SHB: variants seen among roughly 807,000 people sequenced by gnomAD.
SHB encodes SH2 domain containing adaptor protein B, also known as SH2 domain-containing adapter protein B.
Under a neutral mutation model 52.3 loss-of-function variants are expected in SHB, and 20 were observed. That is an observed-to-expected ratio of 0.38 (90% CI 0.27 to 0.56). The LOEUF is 0.56. Among genes scored for constraint, SHB ranks in the 20% least tolerant of loss-of-function variants. The probability of loss-of-function intolerance (pLI) is 0.71; values close to 1 mark genes in which losing one functional copy is unlikely to be tolerated. For synonymous variants in SHB, 397 were observed against 316.5 expected (o/e 1.25, Z -2.70); for missense variants, 825 against 723.3 (o/e 1.14, Z -1.61).
chr9:37,972,095 G>T (rs1820597017), intron 3 of SHB, among the ~76,000 whole-genome samples: 1 of 152,212 alleles, frequency 6.6e-6, no homozygotes, highest in Non-Finnish European at 1.5e-5. Context: ...TCAAAGGCAA[G>T]GGCAGCCCCT....
At chr9:38,059,460 A>T (rs190772580) in intron 1 of SHB, among the ~76,000 whole-genome samples, 2 of 152,340 alleles carry the variant, frequency 1.3e-5, no homozygotes, top group African/African-American at 4.8e-5. Context: ...AAGGAACTGA[A>T]TGATTTAGAG....
At position 37,989,664 on chromosome 9, in the gene SHB, G is replaced by A. The variant is rs551281983; in HGVS notation, c.839-14827C>T. ...GCCTTGCCAAAGTCACAGAGTGAGC[G>A]GTCGGCACAGTTACTATGTCTCCAC... On this transcript the variant is annotated intron_variant, in intron 2 of 5. Coordinates refer to ENST00000377707, the MANE Select transcript of SHB (RefSeq NM_003028.3). Among the ~76,000 whole-genome samples, 25 of 152,304 alleles carry A rather than the reference G, an allele frequency of 1.6e-4. No individual in the cohort carries two copies. In the South Asian group the frequency reaches 4.8e-3, roughly 29 times the overall value.
intron 5 of SHB, among the ~76,000 whole-genome samples, chr9:37,947,019 C>T (rs1301565480): frequency 2.0e-5 from 3 of 152,208 alleles, no homozygotes; most frequent in Admixed American, 6.5e-5. Context: ...CGCCCCCCTG[C>T]TGCTGTCCTC....
intron 2 of SHB, among the ~76,000 whole-genome samples, chr9:38,008,259 A>G (rs1821095376): frequency 6.6e-6 from 1 of 152,194 alleles, no homozygotes; most frequent in African/African-American, 2.4e-5. Flanking sequence ...GAGAATAGGA[A>G]GTGGCTCCTA....
At chr9:37,974,911 A>C in intron 2 of SHB, 74 bp from the exon 3 acceptor site, 1 of 1,274,286 alleles carries the variant, frequency 7.8e-7, no homozygotes, top group Admixed American at 1.8e-5. Flanking sequence ...ACCCAGAAAC[A>C]CCACAAACTC....
At chr9:37,987,532 G>A (rs1475914875) in intron 2 of SHB, among the ~76,000 whole-genome samples, 1 of 152,248 alleles carries the variant, frequency 6.6e-6, no homozygotes, top group Non-Finnish European at 1.5e-5. Flanking sequence ...GCACTGAAGA[G>A]CCCAGTCCCA....
chr9:37,943,501 A>C (rs1832457450), intron 5 of SHB, among the ~76,000 whole-genome samples: 1 of 152,308 alleles, frequency 6.6e-6, no homozygotes, highest in Admixed American at 6.5e-5. Flanking sequence ...GTGTCTCCTT[A>C]GGTCACGTTT....
rs372644891 is a variant in SHB at position 38,015,569 on chromosome 9, T to C, written c.838+442A>G. 24 of 679,792 alleles carry C rather than the reference T, an allele frequency of 3.5e-5. 1 individual carries two copies. In the African/African-American group the frequency reaches 4.1e-4, roughly 11 times the overall value. 42.1% of individuals were successfully genotyped at this position (679,792 alleles called of 1,614,324 possible). ...CGGCCAGAAATAATTTTGTCTCTAC[T>C]AGTAATCTGGCCAGCTCTCTTCTAC... On this transcript the variant is annotated intron_variant, in intron 2 of 5. Coordinates refer to ENST00000377707, the MANE Select transcript of SHB (RefSeq NM_003028.3).
intron 5 of SHB, among the ~76,000 whole-genome samples, chr9:37,926,860 A>C (rs572969150): frequency 2.4e-4 from 37 of 152,194 alleles, no homozygotes; most frequent in Non-Finnish European, 4.4e-4. Flanking sequence ...CAAATATTTC[A>C]ACAGTCCACC....
chr9:38,015,500 T>TA (rs1189092833), intron 2 of SHB: 1 of 701,118 alleles, frequency 1.4e-6, no homozygotes, highest in East Asian at 2.7e-5. Context: ...AGACCAGGGT[T>TA]ATTTATGCTG....
intron 5 of SHB, among the ~76,000 whole-genome samples, chr9:37,935,709 G>A (rs963205071): frequency 1.6e-4 from 25 of 152,072 alleles, no homozygotes; most frequent in African/African-American, 5.6e-4. Context: ...CTAGTAAGAC[G>A]CAGAATCGAG....
At chr9:37,985,543 T>C (rs1820794500) in intron 2 of SHB, among the ~76,000 whole-genome samples, 1 of 152,222 alleles carries the variant, frequency 6.6e-6, no homozygotes, top group Admixed American at 6.5e-5. Flanking sequence ...CCGTGGAGAC[T>C]CACTGAGGCG....
chr9:37,970,142 T>C (rs978774136), intron 3 of SHB, among the ~76,000 whole-genome samples: 5 of 152,184 alleles, frequency 3.3e-5, no homozygotes, highest in African/African-American at 9.6e-5. Flanking sequence ...TGACTGGGCA[T>C]TGTCCTGGGG....
At chr9:38,049,002 C>T (rs903719186) in intron 1 of SHB, among the ~76,000 whole-genome samples, 25 of 152,150 alleles carry the variant, frequency 1.6e-4, no homozygotes, top group Non-Finnish European at 3.5e-4. Flanking sequence ...CTCAGCTCAT[C>T]TCAAGACAGA....
chr9:38,044,977 T>C (rs1007028335), intron 1 of SHB, among the ~76,000 whole-genome samples: 1 of 152,146 alleles, frequency 6.6e-6, no homozygotes, highest in Non-Finnish European at 1.5e-5. Context: ...ACAGCTGAGC[T>C]GAACTTAAGA....
intron 5 of SHB, among the ~76,000 whole-genome samples, chr9:37,939,711 G>A (rs1248065628): frequency 2.6e-5 from 4 of 152,294 alleles, no homozygotes; most frequent in East Asian, 1.9e-4. Context: ...TTTCTATTCC[G>A]AGAGACCCCA....
At position 38,068,528 on chromosome 9, in the gene SHB, G is replaced by A. The variant is rs771324274; in HGVS notation, c.118C>T (p.Pro40Ser). The change falls in exon 1 of 6, where the codon CCC becomes TCC. Residue 40 changes from proline (P) to serine (S), a missense_variant. Physicochemically the swap from Pro to Ser is moderately conservative, Grantham distance 74. Coordinates refer to ENST00000377707, the MANE Select transcript of SHB (RefSeq NM_003028.3). The stretch of plus-strand genomic sequence containing the variant: ...GAGGCCTGCGGCACGGCCTGGGGGG[G>A]CTGCGAAGGCCGCTCGCCTCGGCGC... ...QRRRGERPSQ[P>S]PQAVPQASSA... 28 of 1,456,284 alleles carry A rather than the reference G, an allele frequency of 1.9e-5. No individual in the cohort carries two copies. In the Admixed American group the frequency reaches 4.5e-4, roughly 23 times the overall value. 90.2% of individuals were successfully genotyped at this position (1,456,284 alleles called of 1,614,324 possible).
At position 37,919,742 on chromosome 9, in the gene SHB, T is replaced by A; in HGVS notation, c.*79A>T. 1 of 1,123,554 alleles carries A rather than the reference T, an allele frequency of 8.9e-7. No homozygotes were observed. Among genetic ancestry groups the A allele is most frequent in the Non-Finnish European group, 1.3e-6 (1 of 751,346 alleles). 69.6% of individuals were successfully genotyped at this position (1,123,554 alleles called of 1,614,324 possible). On this transcript the variant is annotated 3_prime_UTR_variant, in exon 6 of 6. Coordinates refer to ENST00000377707, the MANE Select transcript of SHB (RefSeq NM_003028.3). Reference sequence around the variant, plus strand: ...ACACAAACGACACAGCCAGCAACAGTGGCTGGGCTGGTTGGTGGGGGGCCT... The same window carrying A: ...ACACAAACGACACAGCCAGCAACAGAGGCTGGGCTGGTTGGTGGGGGGCCT...
chr9:38,022,228 A>G (rs1000045699), intron 1 of SHB, among the ~76,000 whole-genome samples: 1 of 152,214 alleles, frequency 6.6e-6, no homozygotes, highest in Non-Finnish European at 1.5e-5. Flanking sequence ...TGAGCACATC[A>G]TAGGAAGGTC....
Sources: allele counts gnomAD v4.1 joint callset (sites outside exome capture counted in the v4.1 genomes callset), GRCh38; gene constraint gnomAD v4.1.1; transcripts MANE v1.5; gene names NCBI Gene and HGNC (gene_info 2026-07-23, HGNC 2026-07-21).